The following DISP1 variants were observed in gnomAD, a reference collection of about 807,000 sequenced individuals.
DISP1 encodes the protein protein dispatched homolog 1.
DISP1 carries 30 observed loss-of-function variants against 37.3 expected under a neutral mutation model. That is an observed-to-expected ratio of 0.80 (90% CI 0.60 to 1.09). DISP1 has a LOEUF of 1.09. DISP1 is among the 50% of genes least tolerant of loss of function. The pLI is 0.00. For synonymous variants in DISP1, 634 were observed against 690.2 expected (o/e 0.92, Z 1.28); for missense variants, 1,598 against 1,879.5 (o/e 0.85, Z 2.77).
intron 7 of DISP1, 71 bp downstream of exon 7, chr1:222,992,181 C>A (rs1346879834): frequency 2.5e-6 from 3 of 1,203,308 alleles, no homozygotes; most frequent in African/African-American, 3.0e-5. Context: ...TGATCACAGT[C>A]TAGACTGATA....
rs759248532 is a variant in DISP1, at chr1:223,004,917, A to T, written c.3520A>T (p.Asn1174Tyr). Residue 1174 changes from asparagine to tyrosine, a missense_variant, in exon 9 of 9, where the codon AAT becomes TAT. Asn to Tyr is a moderately radical substitution (Grantham distance 143, BLOSUM62 -2). Coordinates refer to ENST00000675850, the MANE Select transcript of DISP1 (RefSeq NM_001377229.1). The surrounding 1 kb of genome is among the most constrained non-coding windows in gnomAD (Gnocchi z 4.9). ...DKGQSKTHTINAYHLDPRGPK... is the reference protein window; with the variant it reads ...DKGQSKTHTIYAYHLDPRGPK... ...GGGACAAAGCAAAACACATACCATA[A>T]ATGCTTATCATTTAGATCCCAGGGG... 1.2e-6 allele frequency: 2 copies of T among 1,611,354 alleles called. No individual in the cohort carries two copies. Among genetic ancestry groups the T allele is most frequent in the South Asian group, 1.1e-5 (1 of 91,076 alleles).
intron 1 of DISP1, among the ~76,000 whole-genome samples, chr1:222,862,160 C>G (rs1231833632): frequency 6.6e-6 from 1 of 152,112 alleles, no homozygotes; most frequent in Non-Finnish European, 1.5e-5. Flanking sequence ...AATGAATTAA[C>G]CATAGTGTTG....
chr1:222,961,773 C>T (rs570219442), intron 3 of DISP1, among the ~76,000 whole-genome samples: 13 of 152,102 alleles, frequency 8.5e-5, no homozygotes, highest in African/African-American at 2.7e-4. Flanking sequence ...TTTGGGAGGC[C>T]GAGGCGGGTG....
intron 4 of DISP1, among the ~76,000 whole-genome samples, chr1:222,988,644 A>T (rs1421328552): frequency 4.2e-4 from 42 of 98,974 alleles, no homozygotes; most frequent in Middle Eastern, 4.5e-3. Context: ...TCCTTCCTTT[A>T]TAGCTTTATT....
At chr1:222,880,128 G>C (rs926199213) in intron 1 of DISP1, among the ~76,000 whole-genome samples, 2 of 152,058 alleles carry the variant, frequency 1.3e-5, no homozygotes, top group African/African-American at 4.8e-5. Context: ...TAAATTATGA[G>C]ATATCTGTAC....
chr1:222,842,646 C>T (rs765483844), intron 1 of DISP1, among the ~76,000 whole-genome samples: 5 of 152,022 alleles, frequency 3.3e-5, no homozygotes, highest in African/African-American at 4.8e-5. Flanking sequence ...TGCATAAATA[C>T]TGCCCCTCCC....
rs1403112498 is a variant in DISP1, at chr1:223,004,429, A to C, written c.3032A>C (p.Tyr1011Ser). ...ACTTGGAACATCATCATAAGCCTTT[A>C]TGCCATCATTTCAATTGCTGGAACG... Reference protein sequence around the residue: ...LTTWNIIISLYAIISIAGTIF... With the variant: ...LTTWNIIISLSAIISIAGTIF... Residue 1011 changes from tyrosine to serine, a missense_variant, in exon 9 of 9, where the codon TAT (tyrosine) becomes TCT (serine). Physicochemically the swap from Tyr to Ser is moderately radical, Grantham distance 144. Transcript: ENST00000675850. This position sits in a 1 kb window ranked among gnomAD's most constrained non-coding sequence, Gnocchi z 4.9. The C allele has an allele frequency of 6.2e-7, 1 of 1,614,178 alleles. No individual in the cohort carries two copies. Among genetic ancestry groups the C allele is most frequent in the African/African-American group, 1.3e-5 (1 of 75,042 alleles).
Position 223,002,729 on chromosome 1 carries a change from T to C in DISP1, c.1332T>C (p.Tyr444=), listed in dbSNP as rs374481235. ...TTATGACCCCAAAGACGGCTGACTA[T>C]GCCACGCCAGCTTTAAAATACAGCA... ...KDFMTPKTAD[Y]ATPALKYSML... Residue 444 remains tyrosine (Y), a synonymous_variant, in exon 9 of 9, where the codon TAT becomes TAC. Coordinates refer to ENST00000675850, the MANE Select transcript of DISP1 (RefSeq NM_001377229.1). The C allele has an allele frequency of 6.8e-6, 11 of 1,614,152 alleles. No individual in the cohort carries two copies. The highest frequency in any genetic ancestry group is 9.3e-6 in the Non-Finnish European group (11 of 1,180,032).
intron 3 of DISP1, among the ~76,000 whole-genome samples, chr1:222,950,137 TG>T (rs1250231908): frequency 6.6e-6 from 1 of 152,164 alleles, no homozygotes; most frequent in East Asian, 1.9e-4. Context: ...GAAGGATCCC[TG>T]TAGGTTATTG....
chr1:222,885,063 C>T (rs1432133100), intron 1 of DISP1, among the ~76,000 whole-genome samples: 1 of 152,006 alleles, frequency 6.6e-6, no homozygotes, highest in Non-Finnish European at 1.5e-5. Flanking sequence ...CTCCTGACCT[C>T]GTGATCCGCC....
intron 1 of DISP1, among the ~76,000 whole-genome samples, chr1:222,888,909 T>C (rs1670791428): frequency 6.6e-6 from 1 of 152,060 alleles, no homozygotes; most frequent in South Asian, 2.1e-4. Flanking sequence ...CAAAAAATTT[T>C]TTAAATGGGC....
intron 1 of DISP1, among the ~76,000 whole-genome samples, chr1:222,828,212 A>C (rs912535724): frequency 1.3e-5 from 2 of 152,224 alleles, no homozygotes; most frequent in African/African-American, 4.8e-5. Flanking sequence ...ATCTGACTCC[A>C]AGACCTAAAT....
intron 1 of DISP1, among the ~76,000 whole-genome samples, chr1:222,820,872 C>G (rs1387280467): frequency 6.6e-6 from 1 of 152,144 alleles, no homozygotes; most frequent in Non-Finnish European, 1.5e-5. Flanking sequence ...GAGGGTGTTA[C>G]TAGAAGACAT....
chr1:222,911,913 A>AT (rs1672233947), intron 1 of DISP1, among the ~76,000 whole-genome samples: 1 of 152,152 alleles, frequency 6.6e-6, no homozygotes, highest in South Asian at 2.1e-4. Flanking sequence ...TCAGCATGAA[A>AT]ACCAAATCAT....
At chr1:222,997,108 G>C (rs1679133066) in intron 8 of DISP1, among the ~76,000 whole-genome samples, 1 of 150,558 alleles carries the variant, frequency 6.6e-6, no homozygotes, top group Non-Finnish European at 1.5e-5. Flanking sequence ...ATAGATAGAT[G>C]ATAAAAATCA....
intron 1 of DISP1, among the ~76,000 whole-genome samples, chr1:222,880,276 G>T (rs1004576758): frequency 1.3e-5 from 2 of 152,136 alleles, no homozygotes; most frequent in Non-Finnish European, 2.9e-5. Context: ...AAAAAGATTG[G>T]AAATATATAC....
chr1:222,910,745 G>C (rs1672162492), intron 1 of DISP1, among the ~76,000 whole-genome samples: 1 of 152,200 alleles, frequency 6.6e-6, no homozygotes, highest in Admixed American at 6.5e-5. Context: ...AGTCTAAACA[G>C]AGAAAAGGAA....
chr1:222,933,327 A>G (rs1008074017), intron 2 of DISP1, among the ~76,000 whole-genome samples: 2 of 151,960 alleles, frequency 1.3e-5, no homozygotes, highest in Non-Finnish European at 2.9e-5. Flanking sequence ...GTCAATATAT[A>G]TCATGTATGT....
At chr1:222,946,170 G>A (rs1324394300) in intron 3 of DISP1, among the ~76,000 whole-genome samples, 3 of 147,366 alleles carry the variant, frequency 2.0e-5, no homozygotes, top group Non-Finnish European at 4.5e-5. Flanking sequence ...TCAGGAGGTC[G>A]AGACCATCCT....
Sources: allele counts gnomAD v4.1 joint callset (sites outside exome capture counted in the v4.1 genomes callset), GRCh38; gene constraint gnomAD v4.1.1; non-coding constraint Gnocchi (gnomAD v3.1); transcripts MANE v1.5; gene names NCBI Gene and HGNC (gene_info 2026-07-23, HGNC 2026-07-21).